The following UMODL1 variants were observed in gnomAD, a reference collection of about 807,000 sequenced individuals.
The protein encoded by UMODL1 is uromodulin like 1.
Under a neutral mutation model 136.3 loss-of-function variants are expected in UMODL1, and 128 were observed. The observed-to-expected ratio is 0.94, with a 90% CI of 0.81 to 1.09. The LOEUF is 1.09. Ranked by LOEUF, UMODL1 falls within the 50% of genes least tolerant of loss-of-function variation. UMODL1 has a pLI of 0.00. For missense variants in UMODL1, 1,766 were observed against 1,725.6 expected (o/e 1.02, Z -0.41); for synonymous variants, 721 against 720.0 (o/e 1.00, Z -0.02).
Position 42,103,892 on chromosome 21 carries a change from G to C in UMODL1, c.1324G>C (p.Val442Leu), listed in dbSNP as rs369484659. The C allele has an allele frequency of 1.1e-5, 18 of 1,614,050 alleles. No homozygotes were observed. The highest frequency in any genetic ancestry group is 1.5e-5 in the Non-Finnish European group (18 of 1,180,040). Residue 442 changes from valine to leucine, a missense_variant, in exon 9 of 23, where the codon GTG (valine) becomes CTG (leucine). By Grantham distance (32) the Val-to-Leu change is conservative (BLOSUM62 1). Coordinates refer to ENST00000408910, the MANE Select transcript of UMODL1 (RefSeq NM_001004416.3). ...HEVESSFPPVVSDLYRSGKLR... is the reference protein window; with the variant it reads ...HEVESSFPPVLSDLYRSGKLR... ...GGTCGAGAGCTCCTTCCCACCAGTGGTGTCTGACTTGTACCGAAGTGGGAA... is the reference window on the plus strand; with the variant it reads ...GGTCGAGAGCTCCTTCCCACCAGTGCTGTCTGACTTGTACCGAAGTGGGAA...
In UMODL1 at chr21:42,105,730, G is replaced by A. The variant is rs552295020; in HGVS notation, c.1519+1643G>A. 9.8e-5 allele frequency among the ~76,000 whole-genome samples: 15 copies of A among 152,304 alleles called. No individual in the cohort carries two copies. In the East Asian group the frequency reaches 1.2e-3, roughly 12 times the overall value. ...AAGACACTGGAAGAGGCCTGGGAAA[G>A]CCCCTTTCCTAGAGCCCCAGAGGGA... On this transcript the variant is annotated intron_variant, in intron 9 of 22. Coordinates refer to ENST00000408910, the MANE Select transcript of UMODL1 (RefSeq NM_001004416.3).
intron 21 of UMODL1, among the ~76,000 whole-genome samples, chr21:42,134,009 C>G (rs1210662307): frequency 6.6e-6 from 1 of 152,144 alleles, no homozygotes; most frequent in Non-Finnish European, 1.5e-5. Context: ...CATCTGCCTC[C>G]TAGGTTCAAG....
chr21:42,080,085 C>T (rs1486869014), intron 2 of UMODL1, among the ~76,000 whole-genome samples: 1 of 152,204 alleles, frequency 6.6e-6, no homozygotes, highest in Non-Finnish European at 1.5e-5. Context: ...TGTGAAGGCG[C>T]CTGTGGTGGG....
intron 21 of UMODL1, among the ~76,000 whole-genome samples, chr21:42,137,101 C>T (rs967185026): frequency 6.6e-6 from 1 of 152,210 alleles, no homozygotes; most frequent in Non-Finnish European, 1.5e-5. Flanking sequence ...GGGGATGGCT[C>T]ATTCCTCTGT....
intron 21 of UMODL1, among the ~76,000 whole-genome samples, chr21:42,133,770 C>T (rs1011620353): frequency 6.6e-6 from 1 of 152,216 alleles, no homozygotes; most frequent in Non-Finnish European, 1.5e-5. Context: ...TATAAGGACA[C>T]CAGTCATGTT....
chr21:42,135,644 T>C (rs1419567755), intron 21 of UMODL1, among the ~76,000 whole-genome samples: 1 of 152,196 alleles, frequency 6.6e-6, no homozygotes, highest in Admixed American at 6.5e-5. Context: ...CCCTGGGGGC[T>C]GGATTTAGTG....
intron 17 of UMODL1, 42 bp from the exon 18 acceptor site, chr21:42,126,303 G>C: frequency 6.2e-7 from 1 of 1,610,302 alleles, no homozygotes; most frequent in Non-Finnish European, 8.5e-7. Flanking sequence ...GTGGGGGGCC[G>C]GCTGGGGCCT....
At chr21:42,132,752 A>G (rs903172698) in intron 21 of UMODL1, among the ~76,000 whole-genome samples, 1 of 152,214 alleles carries the variant, frequency 6.6e-6, no homozygotes, top group Admixed American at 6.5e-5. Context: ...TGTGAGGCTA[A>G]GATTTGTGAG....
At position 42,102,264 on chromosome 21, in the gene UMODL1, C is replaced by A. The variant is rs550743201; in HGVS notation, c.1285C>A (p.Gln429Lys). 5.0e-6 allele frequency: 8 copies of A among 1,611,376 alleles called. No individual in the cohort carries two copies. In the African/African-American group the frequency reaches 8.0e-5, roughly 16 times the overall value. ...SSVEYQDFSR[Q>K]LLHEVESSFP... ...TGTGGAGTACCAGGACTTTTCTAGA[C>A]AACTGCTTCACGAGGTAAAGCCACA... The change falls in exon 8 of 23, where the codon CAA becomes AAA. Residue 429 changes from glutamine to lysine, a missense_variant. Coordinates refer to ENST00000408910, the MANE Select transcript of UMODL1 (RefSeq NM_001004416.3).
chr21:42,079,154 G>A (rs1330449834), intron 2 of UMODL1, among the ~76,000 whole-genome samples: 1 of 152,194 alleles, frequency 6.6e-6, no homozygotes, highest in African/African-American at 2.4e-5. Context: ...AGGCTGATCA[G>A]CAGCCCCTTC....
At chr21:42,109,437 A>AG in intron 9 of UMODL1, 125 bp from the exon 10 acceptor site, 1 of 1,310,796 alleles carries the variant, frequency 7.6e-7, no homozygotes, top group Non-Finnish European at 1.0e-6. Context: ...GATGCCCCAA[A>AG]ATGCCCCTGC....
intron 2 of UMODL1, among the ~76,000 whole-genome samples, chr21:42,080,097 G>A (rs993838525): frequency 5.3e-5 from 8 of 152,190 alleles, no homozygotes; most frequent in Non-Finnish European, 8.8e-5. Flanking sequence ...TGTGGTGGGC[G>A]GATTTACACC....
chr21:42,094,503 T>C (rs2066530401), intron 6 of UMODL1, among the ~76,000 whole-genome samples: 1 of 152,138 alleles, frequency 6.6e-6, no homozygotes, highest in East Asian at 1.9e-4. Flanking sequence ...TTATCCGCAT[T>C]GCCGTGGCCT....
At chr21:42,118,216 T>G (rs1251903418) in intron 14 of UMODL1, among the ~76,000 whole-genome samples, 1 of 152,212 alleles carries the variant, frequency 6.6e-6, no homozygotes. Context: ...GAAGAACTGA[T>G]TGTGAAGATG....
intron 12 of UMODL1, among the ~76,000 whole-genome samples, chr21:42,112,253 C>T (rs1006366453): frequency 3.3e-5 from 5 of 151,278 alleles, no homozygotes; most frequent in Non-Finnish European, 5.9e-5. Flanking sequence ...CTTTTCTGCA[C>T]CCCCGGCTCT....
rs220151 is a variant in UMODL1, at chr21:42,122,269, G to C, written c.2828-562G>C. On this transcript the variant is annotated intron_variant, in intron 16 of 22. Transcript: ENST00000408910. The surrounding 1 kb of genome is among the most constrained non-coding windows in gnomAD (Gnocchi z 4.3). ...CGAGAACAGGTGGGTGGATTGGAAA[G>C]CTTTCCGGGCCCCTTGTTCTCCTAG... is the stretch of plus-strand genomic sequence containing the variant. 0.55 allele frequency among the ~76,000 whole-genome samples: 83,478 copies of C among 151,936 alleles called. 23,232 individuals are homozygous for C. The highest frequency in any genetic ancestry group is 0.64 in the Middle Eastern group (189 of 294).
At chr21:42,105,681 A>G (rs1409946739) in intron 9 of UMODL1, among the ~76,000 whole-genome samples, 3 of 152,214 alleles carry the variant, frequency 2.0e-5, no homozygotes, top group Non-Finnish European at 4.4e-5. Flanking sequence ...GCCACAAGCC[A>G]AAGGACTCCT....
intron 6 of UMODL1, chr21:42,093,567 G>T: frequency 4.5e-6 from 1 of 222,850 alleles, no homozygotes; most frequent in Non-Finnish European, 9.1e-6. Context: ...AGGGGTTGGG[G>T]GAGTGGACCA....
intron 3 of UMODL1, among the ~76,000 whole-genome samples, chr21:42,084,690 AGGAGAATG>A (rs112774379): frequency 7.4e-4 from 112 of 152,088 alleles, no homozygotes; most frequent in African/African-American, 2.4e-3. Context: ...GTCTGCATCC[AGGAGAATG>A]GGAGAATGGG....
Sources: allele counts gnomAD v4.1 joint callset (sites outside exome capture counted in the v4.1 genomes callset), GRCh38; gene constraint gnomAD v4.1.1; non-coding constraint Gnocchi (gnomAD v3.1); transcripts MANE v1.5; gene names NCBI Gene and HGNC (gene_info 2026-07-23, HGNC 2026-07-21).